The following CUX2 variants were observed in gnomAD, a reference collection of about 807,000 sequenced individuals.
The protein encoded by CUX2 is cut like homeobox 2.
A neutral mutation model predicts 144.8 loss-of-function variants in CUX2; 40 were observed. The ratio of observed to expected loss-of-function variants is 0.28; its 90% CI spans 0.21 to 0.36. The LOEUF is 0.36. Among genes scored for constraint, CUX2 ranks in the 10% least tolerant of loss-of-function variants. The pLI, the probability that CUX2 is intolerant of heterozygous loss-of-function variation, is 1.00. For missense variants in CUX2, 1,615 were observed against 1,994.0 expected (o/e 0.81, Z 3.62); for synonymous variants, 827 against 875.6 (o/e 0.94, Z 0.98).
intron 3 of CUX2, among the ~76,000 whole-genome samples, chr12:111,242,873 G>T (rs1295278501): frequency 1.3e-5 from 2 of 152,052 alleles, no homozygotes; most frequent in Non-Finnish European, 2.9e-5. Flanking sequence ...CCCATGACAG[G>T]CCCTGGTGTG....
intron 2 of CUX2, among the ~76,000 whole-genome samples, chr12:111,217,626 G>T (rs1261359955): frequency 6.6e-6 from 1 of 152,144 alleles, no homozygotes; most frequent in Non-Finnish European, 1.5e-5. Flanking sequence ...CACTTCCTTT[G>T]TCTTCTGGAA....
intron 1 of CUX2, among the ~76,000 whole-genome samples, chr12:111,181,092 C>A (rs1879142211): frequency 6.6e-6 from 1 of 152,240 alleles, no homozygotes; most frequent in South Asian, 2.1e-4. Context: ...CCTTAAATTA[C>A]CTGATTGAAA....
At chr12:111,324,981 C>T (rs766836312) in intron 18 of CUX2, among the ~76,000 whole-genome samples, 4 of 151,954 alleles carry the variant, frequency 2.6e-5, no homozygotes, top group South Asian at 2.1e-4. Flanking sequence ...AAGGCTGTAA[C>T]GAGGATTAAA....
chr12:111,294,915 A>G (rs1885893650), intron 6 of CUX2, among the ~76,000 whole-genome samples: 1 of 152,116 alleles, frequency 6.6e-6, no homozygotes, highest in Admixed American at 6.6e-5. Context: ...AAAAAAAAAG[A>G]AAACGGAGGA....
At chr12:111,308,669 C>A in intron 14 of CUX2, 143 bp downstream of exon 14, 1 of 687,268 alleles carries the variant, frequency 1.5e-6, no homozygotes, top group Non-Finnish European at 2.5e-6. Context: ...TTGGCACCTG[C>A]TGTATGCCTG....
chr12:111,316,414 G>T (rs1887194845), intron 16 of CUX2, among the ~76,000 whole-genome samples: 1 of 135,822 alleles, frequency 7.4e-6, no homozygotes, highest in East Asian at 2.3e-4. Context: ...CCAAAATGCT[G>T]GGATTACACG....
chr12:111,122,853 C>T (rs918358388), intron 1 of CUX2, among the ~76,000 whole-genome samples: 14 of 152,194 alleles, frequency 9.2e-5, no homozygotes, highest in African/African-American at 3.4e-4. Flanking sequence ...TGACCCACCC[C>T]GCCCTGTCAC....
At position 111,101,649 on chromosome 12, in the gene CUX2, T is replaced by C. The variant is rs560823149; in HGVS notation, c.63+67409T>C. Among the ~76,000 whole-genome samples, 7 of 152,346 alleles carry C rather than the reference T, an allele frequency of 4.6e-5. No homozygotes were observed. The South Asian group carries it at 1.4e-3, about 32-fold the overall frequency. The stretch of plus-strand genomic sequence containing the variant: ...CAGTGCCAGATGCATATCTGGAGCC[T>C]GGCTTCAAACACTGTGTGGCCTTGG... On this transcript the variant is annotated intron_variant, in intron 1 of 21. Transcript: ENST00000261726.
chr12:111,287,657 G>A lies in CUX2; in HGVS notation c.302-3761G>A, dbSNP rs80335880. Among the ~76,000 whole-genome samples, 6 of 152,182 alleles carry A rather than the reference G, an allele frequency of 3.9e-5. No individual in the cohort carries two copies. Among genetic ancestry groups the A allele is most frequent in the East Asian group, 1.9e-4 (1 of 5,198 alleles). On this transcript the variant is annotated intron_variant, in intron 4 of 21. Transcript: ENST00000261726. This position sits in a 1 kb window ranked among gnomAD's most constrained non-coding sequence, Gnocchi z 4.2. ...GAGACATAATGGCATACCCTGCTGC[G>A]CAGGCCCTGCCTAATGACGGGGCGT... is the stretch of plus-strand genomic sequence containing the variant.
intron 1 of CUX2, among the ~76,000 whole-genome samples, chr12:111,148,378 G>A (rs1335394037): frequency 6.6e-6 from 1 of 152,028 alleles, no homozygotes; most frequent in Admixed American, 6.6e-5. Flanking sequence ...GCGGGTGGCG[G>A]GGAAGAATGG....
chr12:111,064,005 T>C (rs1467881821), intron 1 of CUX2, among the ~76,000 whole-genome samples: 1 of 152,162 alleles, frequency 6.6e-6, no homozygotes, highest in Non-Finnish European at 1.5e-5. Flanking sequence ...CTGGGAAATA[T>C]TTGCTTCCTG....
At chr12:111,174,778 A>G (rs1316404904) in intron 1 of CUX2, among the ~76,000 whole-genome samples, 1 of 152,254 alleles carries the variant, frequency 6.6e-6, no homozygotes, top group African/African-American at 2.4e-5. Context: ...CTAGACAGCA[A>G]CCACAATTCT....
chr12:111,187,427 A>AC (rs1285828098), intron 1 of CUX2, among the ~76,000 whole-genome samples: 3 of 136,354 alleles, frequency 2.2e-5, no homozygotes, highest in African/African-American at 8.4e-5. Flanking sequence ...TGGCCCCCCC[A>AC]CTGCTCTGTG....
chr12:111,212,390 G>A (rs1038084686), intron 1 of CUX2, among the ~76,000 whole-genome samples: 3 of 152,054 alleles, frequency 2.0e-5, no homozygotes, highest in East Asian at 1.9e-4. Context: ...ACCTGTTTCC[G>A]CTCCCCCACC....
rs1193677986 is a variant in CUX2 at position 111,088,849 on chromosome 12, C to G, written c.63+54609C>G. 3.9e-5 allele frequency among the ~76,000 whole-genome samples: 6 copies of G among 152,308 alleles called. 1 individual carries two copies. Among genetic ancestry groups the G allele is most frequent in the Middle Eastern group, 3.4e-3 (1 of 294 alleles). ...GGACATGAGATGTCCGACCGGGCAGCTGGGTGCCATGGTACCCCCGTCTGA... is the reference window on the plus strand; with the variant it reads ...GGACATGAGATGTCCGACCGGGCAGGTGGGTGCCATGGTACCCCCGTCTGA... On this transcript the variant is annotated intron_variant, in intron 1 of 21. Transcript: ENST00000261726.
At chr12:111,092,539 CA>C (rs1221592363) in intron 1 of CUX2, among the ~76,000 whole-genome samples, 1 of 152,106 alleles carries the variant, frequency 6.6e-6, no homozygotes, top group African/African-American at 2.4e-5. Flanking sequence ...CTCATTTGGA[CA>C]AAGAATCTGG....
rs764697243 is a variant in CUX2, at chr12:111,293,465, G to A, written c.456G>A (p.Ser152=). ...LSPKEQREGT[S]PAGPTLTEGS... The stretch of plus-strand genomic sequence containing the variant: ...CTGCAGAGCAGAGAGAGGGGACGTC[G>A]CCTGCCGGGCCCACGCTGACCGAGG... Residue 152 remains serine, a synonymous_variant, in exon 6 of 22, where the codon TCG becomes TCA. Transcript: ENST00000261726. This position sits in a 1 kb window ranked among gnomAD's most constrained non-coding sequence, Gnocchi z 4.5. The A allele has an allele frequency of 6.7e-5, 108 of 1,607,732 alleles. 1 individual carries two copies. In the South Asian group the frequency reaches 1.0e-3, roughly 16 times the overall value.
At chr12:111,223,814 G>GCC (rs1290100478) in intron 3 of CUX2, among the ~76,000 whole-genome samples, 1 of 152,132 alleles carries the variant, frequency 6.6e-6, no homozygotes, top group African/African-American at 2.4e-5. Context: ...TGCTTGCCAT[G>GCC]CCCTCTGCCT....
chr12:111,176,463 A>C (rs2136174347), intron 1 of CUX2, among the ~76,000 whole-genome samples: 1 of 152,202 alleles, frequency 6.6e-6, no homozygotes, highest in East Asian at 1.9e-4. Context: ...TTGAAGCCTC[A>C]GTTTCCTCTT....
Sources: gnomAD v4.1 joint callset for allele counts (sites outside exome capture counted in the v4.1 genomes callset) on GRCh38, gnomAD v4.1.1 for gene constraint, Gnocchi (gnomAD v3.1) non-coding constraint, MANE v1.5 for transcripts, NCBI Gene and HGNC (gene_info 2026-07-23, HGNC 2026-07-21) for gene names.